Variants in ZDHHC7 observed in about 807,000 individuals in gnomAD.
ZDHHC7 encodes palmitoyltransferase ZDHHC7.
ZDHHC7 carries 12 observed loss-of-function variants against 34.1 expected under a neutral mutation model. That is an observed-to-expected ratio of 0.35 (90% CI 0.23 to 0.57). The LOEUF is 0.57. ZDHHC7 is among the 20% of genes least tolerant of loss of function. ZDHHC7 has a pLI of 0.84. For synonymous variants in ZDHHC7, 185 were observed against 155.4 expected, an observed-to-expected ratio of 1.19 and a Z score of -1.42; for missense variants, 388 against 402.7, an observed-to-expected ratio of 0.96 and a Z score of 0.31.
At chr16:84,976,577 C>G (rs901751047) in intron 7 of ZDHHC7, 58 bp from the exon 8 acceptor site, 1 of 1,580,732 alleles carries the variant, frequency 6.3e-7, no homozygotes, top group East Asian at 2.3e-5. Flanking sequence ...CAGACCCCAC[C>G]AAGCCTCAGA....
intron 1 of ZDHHC7, among the ~76,000 whole-genome samples, chr16:85,004,353 G>A (rs896033900): frequency 6.6e-5 from 10 of 151,932 alleles, no homozygotes; most frequent in Non-Finnish European, 4.4e-5. Context: ...CTCTCACCTG[G>A]GGAGTGCTTA....
the ZDHHC7 span, among the ~76,000 whole-genome samples, chr16:85,025,012 C>G: frequency 1.3e-5 from 2 of 152,158 alleles, no homozygotes; most frequent in African/African-American, 2.4e-5. Context: ...CGTGGTGGCT[C>G]ACGCCTGTAA....
chr16:85,008,545 T>A (rs2143756933), intron 1 of ZDHHC7, among the ~76,000 whole-genome samples: 2 of 149,160 alleles, frequency 1.3e-5, no homozygotes, highest in Middle Eastern at 3.4e-3. Context: ...GTATCACAAG[T>A]GAGGGCAGTC....
chr16:84,976,391 C>A lies in ZDHHC7; in HGVS notation c.879G>T (p.Arg293Ser). The change falls in exon 8 of 8, where the codon AGG becomes AGT. Residue 293 changes from arginine to serine, a missense_variant. Coordinates refer to ENST00000313732, the MANE Select transcript of ZDHHC7 (RefSeq NM_017740.3). ...WMNPFVGFRF[R>S]RLPTRPRKGG... ...CTTTTCTGGGTCTCGTGGGCAGTCG[C>A]CTAAATCGGAAGCCCACAAAGGGAT... 6.2e-7 allele frequency: 1 copy of A among 1,614,124 alleles called. No homozygotes were observed. The highest frequency in any genetic ancestry group is 1.1e-5 in the South Asian group (1 of 91,078).
chr16:85,007,878 T>A (rs528489211), intron 1 of ZDHHC7, among the ~76,000 whole-genome samples: 1 of 152,132 alleles, frequency 6.6e-6, no homozygotes, highest in African/African-American at 2.4e-5. Flanking sequence ...ATAACATGCC[T>A]CCGGGCGGCC....
intron 2 of ZDHHC7, among the ~76,000 whole-genome samples, chr16:84,991,305 G>T (rs2072506449): frequency 1.3e-5 from 2 of 151,364 alleles, no homozygotes; most frequent in Non-Finnish European, 2.9e-5. Flanking sequence ...TCTTTTTTTT[G>T]AAACCAAGTC....
upstream of ZDHHC7, among the ~76,000 whole-genome samples, chr16:85,012,352 C>G (rs181677814): frequency 6.7e-6 from 1 of 148,980 alleles, no homozygotes; most frequent in Non-Finnish European, 1.5e-5. Context: ...CCACTGCACT[C>G]CAGCCTGGGC....
the ZDHHC7 span, among the ~76,000 whole-genome samples, chr16:85,023,168 C>CT: frequency 0.036 from 4,993 of 138,842 alleles, 218 homozygotes; most frequent in African/African-American, 0.099. Flanking sequence ...TCTTTCTTTT[C>CT]TTTTTTTTTT....
At chr16:84,995,317 C>A (rs1031622744) in intron 2 of ZDHHC7, among the ~76,000 whole-genome samples, 1 of 152,210 alleles carries the variant, frequency 6.6e-6, no homozygotes, top group South Asian at 2.1e-4. Flanking sequence ...AAAGGGACAA[C>A]CACACAAGCA....
At chr16:85,012,576 C>A (rs1167079889), upstream of ZDHHC7, among the ~76,000 whole-genome samples, 1 of 151,874 alleles carries the variant, frequency 6.6e-6, no homozygotes, top group Non-Finnish European at 1.5e-5. Flanking sequence ...GTATGCCAGA[C>A]AATACCTACT....
the ZDHHC7 span, among the ~76,000 whole-genome samples, chr16:85,017,474 C>G: frequency 6.6e-6 from 1 of 152,156 alleles, no homozygotes; most frequent in African/African-American, 2.4e-5. Context: ...CATGCACATC[C>G]TATGCTCACC....
intron 3 of ZDHHC7, among the ~76,000 whole-genome samples, chr16:84,984,207 G>C (rs963949898): frequency 6.6e-6 from 1 of 151,910 alleles, no homozygotes; most frequent in Non-Finnish European, 1.5e-5. Flanking sequence ...TTTTAGTAGA[G>C]ACGGGGTTTC....
chr16:85,001,373 A>C (rs1359967396), intron 1 of ZDHHC7, among the ~76,000 whole-genome samples: 1 of 150,690 alleles, frequency 6.6e-6, no homozygotes, highest in African/African-American at 2.4e-5. Flanking sequence ...TGGGCAGCTG[A>C]GGCAGGAAAA....
chr16:84,985,354 AC>A (rs1411606291), intron 3 of ZDHHC7, among the ~76,000 whole-genome samples: 3 of 151,924 alleles, frequency 2.0e-5, no homozygotes, highest in African/African-American at 7.3e-5. Flanking sequence ...CCTGCTCTCC[AC>A]CCCAGCTCCC....
rs757826412 is a variant in ZDHHC7, at chr16:84,986,551, G to A, written c.315+3753C>T. Among the ~76,000 whole-genome samples the A allele has an allele frequency of 5.9e-5, 9 of 152,314 alleles. No homozygotes were observed. In the South Asian group the frequency reaches 1.0e-3, roughly 18 times the overall value. ...GTAAAGGGATGCAGGGCCCAGGGCC[G>A]TGGGTGGCCTTCCTCCCTCCCAGCC... On this transcript the variant is annotated intron_variant, in intron 3 of 7. Transcript: ENST00000313732.
In ZDHHC7 at chr16:84,976,101, A is replaced by C; in HGVS notation, c.*242T>G. 3.7e-6 allele frequency: 2 copies of C among 534,532 alleles called. No individual in the cohort carries two copies. Among genetic ancestry groups the C allele is most frequent in the Non-Finnish European group, 3.3e-6 (1 of 306,884 alleles). 33.1% of individuals were successfully genotyped at this position (534,532 alleles called of 1,614,324 possible). ...TCCACAGAAGCCCCAGCTCTGCAGGAGGCCACGGCGTTTGGCTTCTTCGTG... is the reference window on the plus strand; with the variant it reads ...TCCACAGAAGCCCCAGCTCTGCAGGCGGCCACGGCGTTTGGCTTCTTCGTG... On this transcript the variant is annotated 3_prime_UTR_variant, in exon 8 of 8. Transcript: ENST00000313732.
chr16:85,027,598 C>G, the ZDHHC7 span, among the ~76,000 whole-genome samples: 1 of 152,210 alleles, frequency 6.6e-6, no homozygotes, highest in Admixed American at 6.5e-5. Context: ...CCCGAGAGCG[C>G]TCCCACCGAG....
chr16:84,979,385 T>A, intron 4 of ZDHHC7, 100 bp from the exon 5 acceptor site: 1 of 1,455,856 alleles, frequency 6.9e-7, no homozygotes, highest in Non-Finnish European at 9.2e-7. Context: ...AGAATGTATA[T>A]TCTAATACAA....
At chr16:84,991,335 G>C (rs1214304549) in intron 2 of ZDHHC7, among the ~76,000 whole-genome samples, 3 of 152,070 alleles carry the variant, frequency 2.0e-5, no homozygotes, top group African/African-American at 7.2e-5. Context: ...TGCCCGGCTG[G>C]AGTGCAGTGG....
Sources: allele counts gnomAD v4.1 joint callset (sites outside exome capture counted in the v4.1 genomes callset), GRCh38; gene constraint gnomAD v4.1.1; transcripts MANE v1.5; gene names NCBI Gene and HGNC (gene_info 2026-07-23, HGNC 2026-07-21).